Variants in OR52A5 observed in about 807,000 individuals in gnomAD.
OR52A5 encodes olfactory receptor 52A5.
A neutral mutation model predicts 18.2 loss-of-function variants in OR52A5; 16 were observed. The ratio of observed to expected loss-of-function variants is 0.88; its 90% CI spans 0.60 to 1.34. OR52A5 has a LOEUF of 1.34. OR52A5 is among the 40% of genes most tolerant of loss of function. The probability of loss-of-function intolerance (pLI) is 0.00; values close to 1 mark genes in which losing one functional copy is unlikely to be tolerated. For missense variants in OR52A5, 418 were observed against 383.0 expected (o/e 1.09, Z -0.76); for synonymous variants, 140 against 137.2 (o/e 1.02, Z -0.14).
chr11:5,132,648 G>C lies in OR52A5; in HGVS notation c.-6C>G, dbSNP rs370302152. ...GAGCCATTGAATGTCGGCATGATTT[G>C]TTCATCAGAATCAAGTGGTAGATTT... On this transcript the variant is annotated 5_prime_UTR_variant, in exon 2 of 2. Transcript: ENST00000307388. The C allele has an allele frequency of 1.3e-4, 198 of 1,560,694 alleles. No individual in the cohort carries two copies. The highest frequency in any genetic ancestry group is 2.0e-4 in the Admixed American group (11 of 54,414).
rs770210700 is a variant in OR52A5 at position 5,132,270 on chromosome 11, A to G, written c.373T>C (p.Tyr125His). Residue 125 changes from tyrosine (Y) to histidine (H), a missense_variant, in exon 2 of 2, where the codon TAT becomes CAT. Tyr to His is a moderately conservative substitution (Grantham distance 83). Coordinates refer to ENST00000307388, the MANE Select transcript of OR52A5 (RefSeq NM_001005160.3). ...CTCAAGGGGATACAGATGGCCACAT[A>G]GCGATCCAGGGCCATTGCCAGAAGG... ...GILLAMALDR[Y>H]VAICIPLRHA... 24 of 1,614,236 alleles carry G rather than the reference A, an allele frequency of 1.5e-5. No homozygotes were observed. In the South Asian group the frequency reaches 2.6e-4, roughly 18 times the overall value.
In OR52A5 at chr11:5,132,387, T is replaced by A. The variant is rs757854033; in HGVS notation, c.256A>T (p.Ile86Phe). Reference protein sequence around the residue: ...NTCILPKMLGIFWFHLPEISF... With the variant: ...NTCILPKMLGFFWFHLPEISF... ...ATCTCTGGCAAATGAAACCAGAAGA[T>A]GCCTAACATTTTGGGAAGAATGCAG... is the stretch of plus-strand genomic sequence containing the variant. Residue 86 changes from isoleucine to phenylalanine, a missense_variant, in exon 2 of 2, where the codon ATC becomes TTC. Physicochemically the swap from Ile to Phe is conservative, Grantham distance 21. Coordinates refer to ENST00000307388, the MANE Select transcript of OR52A5 (RefSeq NM_001005160.3). 2.5e-6 allele frequency: 4 copies of A among 1,614,190 alleles called. No individual in the cohort carries two copies. Among genetic ancestry groups the A allele is most frequent in the Non-Finnish European group, 2.5e-6 (3 of 1,180,028 alleles).
chr11:5,135,451 C>T lies in OR52A5; in HGVS notation c.-60-2749G>A, dbSNP rs184417730. Among the ~76,000 whole-genome samples the T allele has an allele frequency of 1.0e-3, 153 of 152,212 alleles. 1 individual carries two copies. Among genetic ancestry groups the T allele is most frequent in the African/African-American group, 3.6e-3 (151 of 41,524 alleles). Reference sequence around the variant, plus strand: ...AAATAAAAAATAAAAGTTTAAGTCCCTTCAACCATTTGAATGGACTTTCTC... The same window carrying T: ...AAATAAAAAATAAAAGTTTAAGTCCTTTCAACCATTTGAATGGACTTTCTC... On this transcript the variant is annotated intron_variant, in intron 1 of 1. Coordinates refer to ENST00000307388, the MANE Select transcript of OR52A5 (RefSeq NM_001005160.3).
Position 5,131,702 on chromosome 11 carries a change from T to A in OR52A5, c.941A>T (p.Lys314Ile). 2.5e-6 allele frequency: 4 copies of A among 1,610,124 alleles called. No individual in the cohort carries two copies. Among genetic ancestry groups the A allele is most frequent in the Non-Finnish European group, 3.4e-6 (4 of 1,177,396 alleles). ...AGGAGTCACTAACGATCAAGTTACT[T>A]TTTTGAAGAAAAACACTTTCACAAT... ...DHIVKVFFFK[K>I]VT Residue 314 changes from lysine to isoleucine, a missense_variant, in exon 2 of 2, where the codon AAA becomes ATA. Physicochemically the swap from Lys to Ile is moderately radical, Grantham distance 102. Transcript: ENST00000307388.
chr11:5,134,813 T>A (rs754123260), intron 1 of OR52A5, among the ~76,000 whole-genome samples: 1 of 152,012 alleles, frequency 6.6e-6, no homozygotes, highest in Non-Finnish European at 1.5e-5. Flanking sequence ...GGATCAAAAT[T>A]TTATGCTGTA....
In OR52A5 at chr11:5,130,058, C is replaced by T. The variant is rs1326416884; in HGVS notation, c.*1634G>A. ...CATTTTTAAGATCTTTGTTGTTTGT[C>T]TTCCCTCATACTCCAGAGAATGAAA... is the stretch of plus-strand genomic sequence containing the variant. On this transcript the variant is annotated 3_prime_UTR_variant, in exon 2 of 2. Coordinates refer to ENST00000307388, the MANE Select transcript of OR52A5 (RefSeq NM_001005160.3). 2 of 150,234 alleles carry T rather than the reference C, an allele frequency of 1.3e-5. No homozygotes were observed. The highest frequency in any genetic ancestry group is 4.9e-5 in the African/African-American group (2 of 40,864). The allele number at this position is 150,234 out of a possible 1,614,324, so 9.3% of individuals were successfully genotyped here.
chr11:5,132,975 GC>G (rs1221618655), intron 1 of OR52A5, among the ~76,000 whole-genome samples: 1 of 151,674 alleles, frequency 6.6e-6, no homozygotes, highest in African/African-American at 2.4e-5. Context: ...AGCATTATGT[GC>G]TTTTTCTTTG....
At chr11:5,137,035 T>C (rs987413888) in intron 1 of OR52A5, among the ~76,000 whole-genome samples, 1 of 152,196 alleles carries the variant, frequency 6.6e-6, no homozygotes, top group African/African-American at 2.4e-5. Context: ...TGGGATATTA[T>C]AAAGTAATGT....
Position 5,131,895 on chromosome 11 carries a change from C to T in OR52A5, c.748G>A (p.Val250Ile). Residue 250 changes from valine (V) to isoleucine (I), a missense_variant, in exon 2 of 2, where the codon GTC becomes ATC. Transcript: ENST00000307388. ...GCAAGAAGGTAGAACTGTAGGAAGACACAAATGTGGGCAATGCATGTATTA... is the reference window on the plus strand; with the variant it reads ...GCAAGAAGGTAGAACTGTAGGAAGATACAAATGTGGGCAATGCATGTATTA... ...AFNTCIAHIC[V>I]FLQFYLLAFF... The T allele has an allele frequency of 6.2e-7, 1 of 1,614,152 alleles. No homozygotes were observed. Among genetic ancestry groups the T allele is most frequent in the Non-Finnish European group, 8.5e-7 (1 of 1,180,028 alleles).
chr11:5,135,463 G>A (rs1846384249), intron 1 of OR52A5, among the ~76,000 whole-genome samples: 1 of 152,158 alleles, frequency 6.6e-6, no homozygotes, highest in South Asian at 2.1e-4. Flanking sequence ...TCAACCATTT[G>A]AATGGACTTT....
chr11:5,131,656 G>C lies in OR52A5; in HGVS notation c.*36C>G. On this transcript the variant is annotated 3_prime_UTR_variant, in exon 2 of 2. Coordinates refer to ENST00000307388, the MANE Select transcript of OR52A5 (RefSeq NM_001005160.3). ...TTCATTATATTTAGGTTTTTACTTAGAACCAACCCTAAATCTCTATAGGAG... is the reference window on the plus strand; with the variant it reads ...TTCATTATATTTAGGTTTTTACTTACAACCAACCCTAAATCTCTATAGGAG... 7.4e-7 allele frequency: 1 copy of C among 1,346,644 alleles called. No homozygotes were observed. Among genetic ancestry groups the C allele is most frequent in the Non-Finnish European group, 1.0e-6 (1 of 960,814 alleles). The allele number at this position is 1,346,644 out of a possible 1,614,324, so 83.4% of individuals were successfully genotyped here.
intron 1 of OR52A5, among the ~76,000 whole-genome samples, chr11:5,135,623 C>G (rs936591227): frequency 4.6e-5 from 7 of 152,168 alleles, no homozygotes; most frequent in African/African-American, 1.7e-4. Flanking sequence ...AATCTGTTCT[C>G]TCTCAAGCCT....
rs777270798 is a variant in OR52A5 at position 5,131,676 on chromosome 11, T to C, written c.*16A>G. On this transcript the variant is annotated 3_prime_UTR_variant, in exon 2 of 2. Transcript: ENST00000307388. ...ACTTAGAACCAACCCTAAATCTCTATAGGAGTCACTAACGATCAAGTTACT... is the reference window on the plus strand; with the variant it reads ...ACTTAGAACCAACCCTAAATCTCTACAGGAGTCACTAACGATCAAGTTACT... 3.3e-6 allele frequency: 5 copies of C among 1,510,684 alleles called. No homozygotes were observed. Among genetic ancestry groups the C allele is most frequent in the Admixed American group, 3.4e-5 (2 of 58,860 alleles). The allele number at this position is 1,510,684 out of a possible 1,614,324, so 93.6% of individuals were successfully genotyped here.
Position 5,130,072 on chromosome 11 carries a change from C to T in OR52A5, c.*1620G>A, listed in dbSNP as rs190411793. On this transcript the variant is annotated 3_prime_UTR_variant, in exon 2 of 2. Transcript: ENST00000307388. The stretch of plus-strand genomic sequence containing the variant: ...TTGTTGTTTGTCTTCCCTCATACTC[C>T]AGAGAATGAAAAAAAAATATGTCTT... 6 of 151,258 alleles carry T rather than the reference C, an allele frequency of 4.0e-5. No homozygotes were observed. The highest frequency in any genetic ancestry group is 1.5e-4 in the African/African-American group (6 of 41,256). The allele number at this position is 151,258 out of a possible 1,614,324, so 9.4% of individuals were successfully genotyped here. A position where few individuals can be genotyped will look rare whatever the true frequency, so the allele number is the denominator to read the frequency against.
rs373650823 is a variant in OR52A5, at chr11:5,131,953, C to CT, written c.689dup (p.Leu231AlafsTer12). Reference sequence around the variant, plus strand: ...TGAATCGTGCCTCCTTCTGGGGCAGCTGAAAGACAGTGATAAAAATTTGGA... The same window carrying CT: ...TGAATCGTGCCTCCTTCTGGGGCAGCTTGAAAGACAGTGATAAAAATTTGGA... On this transcript the variant is annotated frameshift_variant, in exon 2 of 2. Transcript: ENST00000307388. LOFTEE classifies it high-confidence loss of function. 16 of 1,614,094 alleles carry CT rather than the reference C, an allele frequency of 9.9e-6. No individual in the cohort carries two copies. In the African/African-American group the frequency reaches 2.1e-4, roughly 22 times the overall value.
rs199860788 is a variant in OR52A5, at chr11:5,132,576, C to T, written c.67G>A (p.Glu23Lys). 1.1e-5 allele frequency: 17 copies of T among 1,613,832 alleles called. No individual in the cohort carries two copies. Among genetic ancestry groups the T allele is most frequent in the Middle Eastern group, 1.7e-4 (1 of 6,058 alleles). Residue 23 changes from glutamate (E) to lysine (K), a missense_variant, in exon 2 of 2, where the codon GAG (glutamate) becomes AAG (lysine). Transcript: ENST00000307388. Reference protein sequence around the residue: ...AFILIGIPGLESVQCWIGIPF... With the variant: ...AFILIGIPGLKSVQCWIGIPF... Reference sequence around the variant, plus strand: ...ATCCCAATCCAACACTGCACTGACTCCAGACCAGGAATCCCAATTAGTATA... The same window carrying T: ...ATCCCAATCCAACACTGCACTGACTTCAGACCAGGAATCCCAATTAGTATA...
chr11:5,131,796 A>G lies in OR52A5; in HGVS notation c.847T>C (p.Tyr283His), dbSNP rs1846339215. The G allele has an allele frequency of 6.2e-7, 1 of 1,614,042 alleles. No homozygotes were observed. Among genetic ancestry groups the G allele is most frequent in the African/African-American group, 1.3e-5 (1 of 75,056 alleles). The change falls in exon 2 of 2, where the codon TAC (tyrosine) becomes CAC (histidine). Residue 283 changes from tyrosine to histidine, a missense_variant. By Grantham distance (83) the Tyr-to-His change is moderately conservative. Transcript: ENST00000307388. The stretch of plus-strand genomic sequence containing the variant: ...TTGAGAAAAGGTGGGACTAACAGGT[A>G]AAGATTTGACAAGAGGATATGAATA... ...PYIHILLSNL[Y>H]LLVPPFLNPI...
At chr11:5,133,951 AT>A (rs1846368777) in intron 1 of OR52A5, among the ~76,000 whole-genome samples, 1 of 152,130 alleles carries the variant, frequency 6.6e-6, no homozygotes, top group South Asian at 2.1e-4. Context: ...TTGGCACGTT[AT>A]TTTGCATAGG....
In OR52A5 at chr11:5,132,131, T is replaced by C. The variant is rs755957748; in HGVS notation, c.512A>G (p.His171Arg). ...SLGLIKCCLK[H>R]YRTTVISHSY... Reference sequence around the variant, plus strand: ...GTGAGAGATGACTGTAGTTCGATAGTGTTTCAGACAGCATTTGATGAGCCC... The same window carrying C: ...GTGAGAGATGACTGTAGTTCGATAGCGTTTCAGACAGCATTTGATGAGCCC... Residue 171 changes from histidine (H) to arginine (R), a missense_variant, in exon 2 of 2, where the codon CAC (histidine) becomes CGC (arginine). Physicochemically the swap from His to Arg is conservative, Grantham distance 29. Coordinates refer to ENST00000307388, the MANE Select transcript of OR52A5 (RefSeq NM_001005160.3). The C allele has an allele frequency of 3.7e-6, 6 of 1,614,044 alleles. No individual in the cohort carries two copies. In the South Asian group the frequency reaches 5.5e-5, roughly 15 times the overall value.
Sources: gnomAD v4.1 joint callset for allele counts (sites outside exome capture counted in the v4.1 genomes callset) on GRCh38, gnomAD v4.1.1 for gene constraint, MANE v1.5 for transcripts, NCBI Gene and HGNC (gene_info 2026-07-23, HGNC 2026-07-21) for gene names.